The following TP53BP1 variants were observed in gnomAD, a reference collection of about 807,000 sequenced individuals.
The protein encoded by TP53BP1 is TP53-binding protein 1.
Under a neutral mutation model 200.8 loss-of-function variants are expected in TP53BP1, and 61 were observed. That is an observed-to-expected ratio of 0.30 (90% confidence interval 0.25 to 0.38). TP53BP1 has a LOEUF of 0.38. Ranked by LOEUF, TP53BP1 falls within the 10% of genes least tolerant of loss-of-function variation. The pLI is 1.00. For missense variants in TP53BP1, 2,144 were observed against 2,371.9 expected (o/e 0.90, Z 2.00); for synonymous variants, 822 against 844.3 (o/e 0.97, Z 0.46).
intron 26 of TP53BP1, 23 bp from the exon 27 acceptor site, chr15:43,408,111 C>T (rs756745733): frequency 1.2e-6 from 2 of 1,609,676 alleles, no homozygotes; most frequent in South Asian, 2.2e-5. Flanking sequence ...CAGGAAAGGA[C>T]CTTAGCATGA....
At chr15:43,467,058 TTC>T (rs1258263832) in intron 11 of TP53BP1, among the ~76,000 whole-genome samples, 2 of 145,710 alleles carry the variant, frequency 1.4e-5, no homozygotes, top group African/African-American at 5.1e-5. Flanking sequence ...TGTAAAGGTA[TTC>T]TTTTTTTTTT....
At chr15:43,504,739 G>A (rs1182820321) in intron 1 of TP53BP1, among the ~76,000 whole-genome samples, 1 of 152,232 alleles carries the variant, frequency 6.6e-6, no homozygotes, top group African/African-American at 2.4e-5. Flanking sequence ...GATATTTGCG[G>A]CCAGGCACGG....
At chr15:43,425,074 T>TGG (rs2045495622) in intron 18 of TP53BP1, among the ~76,000 whole-genome samples, 1 of 152,210 alleles carries the variant, frequency 6.6e-6, no homozygotes, top group African/African-American at 2.4e-5. Context: ...GCCTCGGGAC[T>TGG]CTTCAGAGTC....
intron 18 of TP53BP1, 22 bp downstream of exon 18, chr15:43,427,993 CA>C (rs752435746): frequency 8.9e-6 from 13 of 1,459,584 alleles, no homozygotes; most frequent in Middle Eastern, 1.8e-4. Flanking sequence ...AAATTTGCCA[CA>C]CAGACTCAGA....
At chr15:43,436,588 C>A (rs919922794) in intron 16 of TP53BP1, among the ~76,000 whole-genome samples, 2 of 151,960 alleles carry the variant, frequency 1.3e-5, no homozygotes, top group Non-Finnish European at 2.9e-5. Flanking sequence ...AATCATCCCA[C>A]TTCAGTCTTC....
Position 43,403,955 on chromosome 15 carries a change from A to AT in TP53BP1, c.*3427dup. 1.6e-6 allele frequency: 1 copy of AT among 612,908 alleles called. No homozygotes were observed. The highest frequency in any genetic ancestry group is 1.9e-5 in the South Asian group (1 of 52,064). The allele number at this position is 612,908 out of a possible 1,614,324, so 38.0% of individuals were successfully genotyped here. On this transcript the variant is annotated 3_prime_UTR_variant, in exon 28 of 28. Transcript: ENST00000382044. Reference sequence around the variant, plus strand: ...AAGATAAAAATGTTGGTATCAGTTGATTTTGAAGCAGGTAATACTGTGCCA... The same window carrying AT: ...AAGATAAAAATGTTGGTATCAGTTGATTTTTGAAGCAGGTAATACTGTGCCA...
exon 1 of TP53BP1, chr15:43,510,465 G>A (rs1367469098): frequency 6.5e-6 from 1 of 154,000 alleles, no homozygotes; most frequent in South Asian, 1.9e-4. Context: ...GGGAAACCGA[G>A]GATGGAGACC....
At chr15:43,497,798 T>C (rs562523192), upstream of TP53BP1, among the ~76,000 whole-genome samples, 1 of 152,280 alleles carries the variant, frequency 6.6e-6, no homozygotes, top group East Asian at 1.9e-4. Flanking sequence ...GTTCTGGAGA[T>C]GGATGGTGGT....
At chr15:43,478,499 CTGTT>C (rs2078915570) in intron 7 of TP53BP1, among the ~76,000 whole-genome samples, 1 of 152,200 alleles carries the variant, frequency 6.6e-6, no homozygotes, top group Non-Finnish European at 1.5e-5. Context: ...CAAAACAATA[CTGTT>C]TATTTATCCC....
chr15:43,442,815 CTTTTTTTT>C (rs71111818), intron 14 of TP53BP1, among the ~76,000 whole-genome samples: 18 of 61,034 alleles, frequency 2.9e-4, no homozygotes, highest in African/African-American at 1.0e-3. Flanking sequence ...CAGTAATATT[CTTTTTTTT>C]TTTTTTTTTT....
At chr15:43,475,366 C>G (rs2078865097) in intron 9 of TP53BP1, among the ~76,000 whole-genome samples, 199 bp downstream of exon 9, 1 of 152,206 alleles carries the variant, frequency 6.6e-6, no homozygotes, top group Admixed American at 6.5e-5. Flanking sequence ...GTTTGGGCTA[C>G]TATTATAAAA....
At chr15:43,414,086 CTAAGA>C in intron 23 of TP53BP1, 1 of 469,398 alleles carries the variant, frequency 2.1e-6, no homozygotes, top group Admixed American at 2.4e-5. Context: ...CATTAGGAGG[CTAAGA>C]TGACAGACAG....
At chr15:43,462,379 C>A (rs546826161) in intron 11 of TP53BP1, among the ~76,000 whole-genome samples, 1 of 152,124 alleles carries the variant, frequency 6.6e-6, no homozygotes, top group Admixed American at 6.6e-5. Context: ...TAGTTCACTG[C>A]AGCTTCAAAC....
Position 43,406,608 on chromosome 15 carries a change from C to T in TP53BP1, c.*775G>A, listed in dbSNP as rs1419637954. 2.2e-6 allele frequency: 1 copy of T among 455,916 alleles called. No homozygotes were observed. The highest frequency in any genetic ancestry group is 4.4e-6 in the Non-Finnish European group (1 of 226,758). The allele number at this position is 455,916 out of a possible 1,614,324, so 28.2% of individuals were successfully genotyped here. A position where few individuals can be genotyped will look rare whatever the true frequency, so the allele number is the denominator to read the frequency against. On this transcript the variant is annotated 3_prime_UTR_variant, in exon 28 of 28. Transcript: ENST00000382044. ...CTCTTTGACCCTTTACAGAAAAAAA[C>T]CTTGTTGACCCCTGCTTTAGAGAAT...
chr15:43,507,626 GCTTT>G lies in TP53BP1; in HGVS notation c.-9+2740_-9+2743del, dbSNP rs2079244723. Among the ~76,000 whole-genome samples, 4 of 151,798 alleles carry G rather than the reference GCTTT, an allele frequency of 2.6e-5. No homozygotes were observed. The South Asian group carries it at 8.3e-4, about 31-fold the overall frequency. On this transcript the variant is annotated intron_variant, in intron 1 of 27. Transcript: ENST00000263801. ...ATATATGTATTTAATTTTTTATTTA[GCTTT>G]CTAAGTCTTATACATATGTATCAGA...
intron 8 of TP53BP1, 60 bp from the exon 9 acceptor site, chr15:43,475,754 CA>C: frequency 6.3e-7 from 1 of 1,590,000 alleles, no homozygotes. Context: ...TGCCAAAAAC[CA>C]TTCAGTACTG....
rs1319082585 is a variant in TP53BP1, at chr15:43,477,745, G to C, written c.803C>G (p.Pro268Arg). Residue 268 changes from proline (P) to arginine (R), a missense_variant, in exon 8 of 28, where the codon CCT (proline) becomes CGT (arginine). Around this residue, in one of 4 missense-constraint regions of TP53BP1, gnomAD observed 1,700 missense variants for 1,710.3 expected, o/e 0.99. Transcript: ENST00000382044. ...AGCAACAGATGCTTTGGGGCTAAAA[G>C]GCATGTCCTCTGACCTAGGAAATTC... Reference protein sequence around the residue: ...NPPPARSEDMPFSPKASVAAM... With the variant: ...NPPPARSEDMRFSPKASVAAM... 1 of 1,609,070 alleles carries C rather than the reference G, an allele frequency of 6.2e-7. No homozygotes were observed. The highest frequency in any genetic ancestry group is 8.5e-7 in the Non-Finnish European group (1 of 1,178,128).
chr15:43,479,952 T>G lies in TP53BP1; in HGVS notation c.565A>C (p.Asn189His), dbSNP rs899458943. The G allele has an allele frequency of 6.2e-7, 1 of 1,614,038 alleles. No individual in the cohort carries two copies. Among genetic ancestry groups the G allele is most frequent in the Non-Finnish European group, 8.5e-7 (1 of 1,180,044 alleles). ...ELSQSQDVEE[N>H]TVPYEVDKEQ... The stretch of plus-strand genomic sequence containing the variant: ...TTGTCCACTTCATATGGCACAGTAT[T>G]TTCCTCAACATCCTGGCTCTGGGAG... The change falls in exon 6 of 28, where the codon AAT becomes CAT. Residue 189 changes from asparagine (N) to histidine (H), a missense_variant. Around this residue, in one of 4 missense-constraint regions of TP53BP1, gnomAD observed 1,700 missense variants for 1,710.3 expected, o/e 0.99. Coordinates refer to ENST00000382044, the MANE Select transcript of TP53BP1 (RefSeq NM_001141980.3).
At chr15:43,475,918 C>A (rs572846008) in intron 8 of TP53BP1, among the ~76,000 whole-genome samples, 2 of 152,186 alleles carry the variant, frequency 1.3e-5, no homozygotes, top group South Asian at 2.1e-4. Context: ...GAATAAAGAA[C>A]TGATGAAGAG....
Sources: allele counts gnomAD v4.1 joint callset (sites outside exome capture counted in the v4.1 genomes callset), GRCh38; gene constraint gnomAD v4.1.1; regional missense constraint gnomAD v4.1.1; transcripts MANE v1.5; gene names NCBI Gene and HGNC (gene_info 2026-07-23, HGNC 2026-07-21).